Variants in SLC35F3 observed in about 807,000 individuals in gnomAD.
SLC35F3 encodes putative thiamine transporter SLC35F3.
Under a neutral mutation model 49.9 loss-of-function variants are expected in SLC35F3, and 25 were observed. The ratio of observed to expected loss-of-function variants is 0.50; its 90% CI spans 0.37 to 0.70. The LOEUF is 0.70. Ranked by LOEUF, SLC35F3 falls within the 30% of genes least tolerant of loss-of-function variation. The probability of loss-of-function intolerance (pLI) is 0.00; values close to 1 mark genes in which losing one functional copy is unlikely to be tolerated. For missense variants in SLC35F3, 525 were observed against 639.8 expected (o/e 0.82, Z 1.94); for synonymous variants, 275 against 265.4 (o/e 1.04, Z -0.35).
intron 2 of SLC35F3, among the ~76,000 whole-genome samples, chr1:234,040,169 A>G (rs1664199639): frequency 6.6e-6 from 1 of 152,106 alleles, no homozygotes; most frequent in Non-Finnish European, 1.5e-5. Context: ...CTCTCCCCTG[A>G]AGTCAAGTTG....
At chr1:234,126,727 G>A (rs1170963344) in intron 2 of SLC35F3, among the ~76,000 whole-genome samples, 2 of 151,900 alleles carry the variant, frequency 1.3e-5, no homozygotes, top group Non-Finnish European at 2.9e-5. Flanking sequence ...GTCTTGCTCT[G>A]TCACCCAGGC....
chr1:234,097,412 A>G (rs968441411), intron 2 of SLC35F3, among the ~76,000 whole-genome samples: 7 of 152,270 alleles, frequency 4.6e-5, no homozygotes, highest in Admixed American at 2.0e-4. Context: ...ACCTCATTTC[A>G]TCCTAACATC....
intron 2 of SLC35F3, among the ~76,000 whole-genome samples, chr1:234,042,514 G>A (rs552918589): frequency 8.6e-5 from 13 of 151,924 alleles, no homozygotes; most frequent in East Asian, 3.9e-4. Flanking sequence ...TTCCCCAAGC[G>A]GAAACAAATT....
chr1:234,131,401 C>T (rs952061521), intron 2 of SLC35F3, among the ~76,000 whole-genome samples: 1 of 152,174 alleles, frequency 6.6e-6, no homozygotes, highest in African/African-American at 2.4e-5. Flanking sequence ...TACCCAGCTT[C>T]CATGGCACAT....
At chr1:234,086,887 C>A (rs1000516173) in intron 2 of SLC35F3, among the ~76,000 whole-genome samples, 3 of 152,198 alleles carry the variant, frequency 2.0e-5, no homozygotes, top group African/African-American at 7.2e-5. Flanking sequence ...TCTGACTTAT[C>A]GTCCCTGCCT....
chr1:233,932,061 C>T (rs1459181313), intron 2 of SLC35F3, among the ~76,000 whole-genome samples: 1 of 152,104 alleles, frequency 6.6e-6, no homozygotes, highest in Non-Finnish European at 1.5e-5. Context: ...CCAAACACCA[C>T]ATATTCTCAC....
chr1:234,009,521 A>G (rs1461736749), intron 2 of SLC35F3, among the ~76,000 whole-genome samples: 1 of 152,198 alleles, frequency 6.6e-6, no homozygotes, highest in Non-Finnish European at 1.5e-5. Flanking sequence ...CAGGGCAAAT[A>G]AATTACAACT....
chr1:234,199,341 A>G (rs7535154), intron 2 of SLC35F3, among the ~76,000 whole-genome samples: 1 of 152,154 alleles, frequency 6.6e-6, no homozygotes, highest in African/African-American at 2.4e-5. Flanking sequence ...CCAAGTATTT[A>G]TGGGCAATTT....
intron 2 of SLC35F3, among the ~76,000 whole-genome samples, chr1:234,171,961 C>T (rs558886922): frequency 9.2e-5 from 14 of 152,208 alleles, no homozygotes; most frequent in East Asian, 7.7e-4. Flanking sequence ...CACCCCCCAC[C>T]GCCCTACTTC....
intron 2 of SLC35F3, among the ~76,000 whole-genome samples, chr1:234,198,471 G>T (rs1666848040): frequency 6.6e-6 from 1 of 152,162 alleles, no homozygotes; most frequent in Non-Finnish European, 1.5e-5. Context: ...TTGAGGAAGT[G>T]CCAGGCCATT....
intron 2 of SLC35F3, among the ~76,000 whole-genome samples, chr1:234,164,207 TTCTA>T (rs1226532169): frequency 1.9e-4 from 29 of 151,810 alleles, no homozygotes; most frequent in South Asian, 4.2e-4. Flanking sequence ...CCTTTTCTAT[TTCTA>T]TCTATTTCTT....
intron 2 of SLC35F3, among the ~76,000 whole-genome samples, chr1:234,084,027 T>C (rs1347626187): frequency 2.6e-5 from 4 of 151,948 alleles, no homozygotes; most frequent in African/African-American, 9.7e-5. Flanking sequence ...TTAGTAGAGA[T>C]GGGGTTTCTC....
chr1:233,926,629 C>T (rs1294639300), intron 2 of SLC35F3, among the ~76,000 whole-genome samples: 1 of 152,184 alleles, frequency 6.6e-6, no homozygotes, highest in East Asian at 1.9e-4. Context: ...CTGAAGCCTA[C>T]TTCTGTCAAC....
At chr1:233,949,626 C>A (rs75913086) in intron 2 of SLC35F3, among the ~76,000 whole-genome samples, 4,170 of 152,234 alleles carry the variant, frequency 0.027, 177 homozygotes, top group African/African-American at 0.094. Context: ...ACTTGAGAAG[C>A]GTGCCGTCCA....
At chr1:234,227,155 G>T (rs564472055) in intron 2 of SLC35F3, among the ~76,000 whole-genome samples, 1 of 152,276 alleles carries the variant, frequency 6.6e-6, no homozygotes, top group South Asian at 2.1e-4. Flanking sequence ...GGGCCAGAGT[G>T]TATAATCTAC....
At chr1:233,965,362 C>T (rs960650829) in intron 2 of SLC35F3, among the ~76,000 whole-genome samples, 16 of 152,308 alleles carry the variant, frequency 1.1e-4, no homozygotes, top group African/African-American at 3.8e-4. Flanking sequence ...TCCTGGTGCT[C>T]ACCTCTTTGT....
chr1:234,323,302 C>A lies in SLC35F3; in HGVS notation c.*59C>A. 1 of 1,486,564 alleles carries A rather than the reference C, an allele frequency of 6.7e-7. No individual in the cohort carries two copies. The highest frequency in any genetic ancestry group is 2.4e-5 in the East Asian group (1 of 41,678). 92.1% of individuals were successfully genotyped at this position (1,486,564 alleles called of 1,614,324 possible). A position where few individuals can be genotyped will look rare whatever the true frequency, so the allele number is the denominator to read the frequency against. ...GGAGGTCTATTCCTGCCGGGAGGAA[C>A]CTCAGTTGGGTAAGGTGTACATACC... On this transcript the variant is annotated 3_prime_UTR_variant, in exon 8 of 8. Transcript: ENST00000366618. The surrounding 1 kb of genome is among the most constrained non-coding windows in gnomAD (Gnocchi z 4.5).
chr1:233,936,549 T>C (rs1046059841), intron 2 of SLC35F3, among the ~76,000 whole-genome samples: 24 of 151,842 alleles, frequency 1.6e-4, no homozygotes, highest in Admixed American at 1.2e-3. Context: ...CTCCTCCTCC[T>C]CCTCTTTCTT....
intron 3 of SLC35F3, among the ~76,000 whole-genome samples, chr1:234,268,983 T>G (rs1434483545): frequency 6.6e-6 from 1 of 152,128 alleles, no homozygotes; most frequent in East Asian, 1.9e-4. Flanking sequence ...TTATAAATAC[T>G]ATAAAAAACG....
Sources: gnomAD v4.1 joint callset for allele counts (sites outside exome capture counted in the v4.1 genomes callset) on GRCh38, gnomAD v4.1.1 for gene constraint, Gnocchi (gnomAD v3.1) non-coding constraint, MANE v1.5 for transcripts, NCBI Gene and HGNC (gene_info 2026-07-23, HGNC 2026-07-21) for gene names.